Variants in TTI1 observed in about 807,000 individuals in gnomAD.
The protein encoded by TTI1 is TELO2-interacting protein 1 homolog.
Under a neutral mutation model 85.4 loss-of-function variants are expected in TTI1, and 52 were observed. That is an observed-to-expected ratio of 0.61 (90% CI 0.49 to 0.77). TTI1 has a LOEUF of 0.77. TTI1 is among the 30% of genes least tolerant of loss of function. The pLI is 0.00. For synonymous variants in TTI1, 512 were observed against 503.9 expected, an observed-to-expected ratio of 1.02 and a Z score of -0.22; for missense variants, 1,173 against 1,296.0, an observed-to-expected ratio of 0.91 and a Z score of 1.46.
chr20:38,030,703 C>G (rs2073895664), intron 1 of TTI1, among the ~76,000 whole-genome samples: 1 of 152,176 alleles, frequency 6.6e-6, no homozygotes, highest in African/African-American at 2.4e-5. Flanking sequence ...TTTCAGACCT[C>G]TATATGTTGA....
chr20:38,026,373 G>A (rs2073836767), intron 1 of TTI1, among the ~76,000 whole-genome samples: 1 of 152,104 alleles, frequency 6.6e-6, no homozygotes, highest in Admixed American at 6.5e-5. Context: ...TGGCCAGGCT[G>A]GTCTCAAACT....
chr20:38,017,404 T>TTGTGTATG (rs2073697870), intron 1 of TTI1, among the ~76,000 whole-genome samples: 1 of 146,144 alleles, frequency 6.8e-6, no homozygotes, highest in Admixed American at 6.8e-5. Flanking sequence ...AATCAATAGC[T>TTGTGTATG]TGTGTGTGTG....
At chr20:37,988,156 G>A (rs1164888269) in intron 7 of TTI1, among the ~76,000 whole-genome samples, 1 of 152,204 alleles carries the variant, frequency 6.6e-6, no homozygotes, top group Non-Finnish European at 1.5e-5. Context: ...AGAGGCCCAT[G>A]GCACACTGTT....
intron 1 of TTI1, among the ~76,000 whole-genome samples, chr20:38,026,782 T>C (rs1243982095): frequency 2.6e-5 from 4 of 152,234 alleles, no homozygotes; most frequent in Non-Finnish European, 5.9e-5. Flanking sequence ...GGGCTTTCCT[T>C]ATCCTCTTGA....
intron 4 of TTI1, among the ~76,000 whole-genome samples, chr20:38,001,501 C>T (rs940056561): frequency 6.6e-6 from 1 of 152,162 alleles, no homozygotes; most frequent in Non-Finnish European, 1.5e-5. Context: ...ATCAGCCAGG[C>T]ACCTACATTA....
chr20:38,017,482 T>G (rs546087613), intron 1 of TTI1, among the ~76,000 whole-genome samples: 2 of 151,398 alleles, frequency 1.3e-5, no homozygotes, highest in South Asian at 4.2e-4. Context: ...GTGCATGTGT[T>G]GATCCTGGAC....
At chr20:38,026,497 T>C (rs983920806) in intron 1 of TTI1, among the ~76,000 whole-genome samples, 3 of 152,184 alleles carry the variant, frequency 2.0e-5, no homozygotes, top group Admixed American at 6.5e-5. Context: ...TCAGAAACCA[T>C]GTAGGCCAGA....
At chr20:38,014,545 T>A (rs2073653409) in intron 1 of TTI1, among the ~76,000 whole-genome samples, 1 of 151,992 alleles carries the variant, frequency 6.6e-6, no homozygotes, top group Admixed American at 6.5e-5. Flanking sequence ...GAGCCTGTAA[T>A]ATGGGAGAAG....
At chr20:38,005,649 G>A (rs911102419) in intron 3 of TTI1, among the ~76,000 whole-genome samples, 16 of 152,154 alleles carry the variant, frequency 1.1e-4, no homozygotes, top group African/African-American at 3.6e-4. Context: ...GGTGAAACCA[G>A]TATTCATCCT....
intron 1 of TTI1, among the ~76,000 whole-genome samples, chr20:38,031,570 TTC>T (rs1323603990): frequency 6.6e-6 from 1 of 152,232 alleles, no homozygotes. Context: ...ACTTACCACT[TTC>T]TGACTTATTC....
chr20:38,003,769 G>T (rs2073458897), intron 3 of TTI1, among the ~76,000 whole-genome samples: 1 of 150,684 alleles, frequency 6.6e-6, no homozygotes, highest in Non-Finnish European at 1.5e-5. Flanking sequence ...AAAAAAAAAA[G>T]GGAGAGATAG....
intron 1 of TTI1, among the ~76,000 whole-genome samples, chr20:38,028,236 C>T (rs903773385): frequency 3.3e-5 from 5 of 151,974 alleles, no homozygotes; most frequent in African/African-American, 9.7e-5. Context: ...TTGAGATTGG[C>T]GGAGTGGATT....
intron 3 of TTI1, among the ~76,000 whole-genome samples, chr20:38,003,136 T>C (rs2073449417): frequency 6.6e-6 from 1 of 152,092 alleles, no homozygotes; most frequent in African/African-American, 2.4e-5. Context: ...AATTTTTAAA[T>C]TTTTTTGTAG....
chr20:37,995,132 T>C (rs1180835281), intron 7 of TTI1, among the ~76,000 whole-genome samples: 1 of 152,158 alleles, frequency 6.6e-6, no homozygotes, highest in Non-Finnish European at 1.5e-5. Flanking sequence ...CTAAATTGAT[T>C]CTGTACGGAA....
At chr20:38,009,104 G>A (rs2073543096) in intron 2 of TTI1, among the ~76,000 whole-genome samples, 1 of 152,140 alleles carries the variant, frequency 6.6e-6, no homozygotes. Context: ...GATACCTCTT[G>A]AGAGATATAT....
In TTI1 at chr20:38,011,527, T is replaced by G; in HGVS notation, c.2290A>C (p.Met764Leu). ...GCTCTCAATGTACCTAATGCTGCCA[T>G]CAGAGCATGCAGAACGCTGACAAAG... ...ASFVSVLHAL[M>L]AALAQWFPDT... Residue 764 changes from methionine (M) to leucine (L), a missense_variant, in exon 2 of 8, where the codon ATG (methionine) becomes CTG (leucine). Physicochemically the swap from Met to Leu is conservative, Grantham distance 15 (BLOSUM62 2). Transcript: ENST00000373447. 4 of 1,614,058 alleles carry G rather than the reference T, an allele frequency of 2.5e-6. No homozygotes were observed. The highest frequency in any genetic ancestry group is 3.4e-6 in the Non-Finnish European group (4 of 1,179,980).
intron 1 of TTI1, among the ~76,000 whole-genome samples, chr20:38,017,586 C>T (rs1386484093): frequency 6.6e-6 from 1 of 152,160 alleles, no homozygotes; most frequent in Non-Finnish European, 1.5e-5. Context: ...AAACTGCAAT[C>T]TTGAGGGACC....
chr20:37,983,529 T>C lies in TTI1; in HGVS notation c.3197A>G (p.Gln1066Arg). The change falls in exon 8 of 8, where the codon CAG becomes CGG. Residue 1066 changes from glutamine to arginine, a missense_variant. Transcript: ENST00000373447. Reference protein sequence around the residue: ...TPPHPSLHPVQLHGASGQQNP... With the variant: ...TPPHPSLHPVRLHGASGQQNP... Reference sequence around the variant, plus strand: ...CTGCTGCCCGCTGGCCCCGTGCAGCTGCACAGGGTGGAGGCTGGGGTGGGG... The same window carrying C: ...CTGCTGCCCGCTGGCCCCGTGCAGCCGCACAGGGTGGAGGCTGGGGTGGGG... The C allele has an allele frequency of 6.2e-7, 1 of 1,611,748 alleles. No homozygotes were observed. The highest frequency in any genetic ancestry group is 8.5e-7 in the Non-Finnish European group (1 of 1,179,452).
intron 7 of TTI1, among the ~76,000 whole-genome samples, chr20:37,995,177 C>T (rs541229245): frequency 3.4e-4 from 51 of 152,170 alleles, no homozygotes; most frequent in African/African-American, 1.2e-3. Flanking sequence ...GCTTAGGATG[C>T]GCCCCTGTGC....
Sources: allele counts gnomAD v4.1 joint callset (sites outside exome capture counted in the v4.1 genomes callset), GRCh38; gene constraint gnomAD v4.1.1; transcripts MANE v1.5; gene names NCBI Gene and HGNC (gene_info 2026-07-23, HGNC 2026-07-21).